Variants in AGGF1 observed in about 807,000 individuals in gnomAD.
AGGF1 encodes the protein angiogenic factor with G-patch and FHA domains 1.
A neutral mutation model predicts 86.5 loss-of-function variants in AGGF1; 56 were observed. The ratio of observed to expected loss-of-function variants is 0.65; its 90% CI spans 0.52 to 0.81. The LOEUF is 0.81. AGGF1 is among the 30% of genes least tolerant of loss of function. AGGF1 has a pLI of 0.00. For synonymous variants in AGGF1, 313 were observed against 297.1 expected, an observed-to-expected ratio of 1.05 and a Z score of -0.55; for missense variants, 816 against 850.9, an observed-to-expected ratio of 0.96 and a Z score of 0.51.
At chr5:77,054,642 G>C (rs543807445) in intron 10 of AGGF1, among the ~76,000 whole-genome samples, 1 of 152,250 alleles carries the variant, frequency 6.6e-6, no homozygotes, top group East Asian at 1.9e-4. Context: ...TAATGAGGTT[G>C]ATTTAGCCAG....
intron 12 of AGGF1, among the ~76,000 whole-genome samples, chr5:77,060,578 CAG>C (rs1304318108): frequency 1.3e-5 from 2 of 151,994 alleles, no homozygotes; most frequent in African/African-American, 4.8e-5. Flanking sequence ...TTTTTTTCCT[CAG>C]AATATAAATT....
chr5:77,057,522 A>G (rs760534606), intron 11 of AGGF1, among the ~76,000 whole-genome samples: 14 of 152,234 alleles, frequency 9.2e-5, no homozygotes, highest in African/African-American at 2.4e-4. Flanking sequence ...TTGTGGAACA[A>G]TTTCACTATT....
At chr5:77,060,122 G>A (rs927544720) in intron 12 of AGGF1, among the ~76,000 whole-genome samples, 8 of 152,174 alleles carry the variant, frequency 5.3e-5, no homozygotes, top group African/African-American at 1.9e-4. Context: ...GATTACCGGC[G>A]TGAGCTACCA....
chr5:77,056,386 G>C lies in AGGF1; in HGVS notation c.1716+790G>C, dbSNP rs537627634. Among the ~76,000 whole-genome samples the C allele has an allele frequency of 1.6e-3, 243 of 151,794 alleles. 1 individual carries two copies. The highest frequency in any genetic ancestry group is 5.1e-3 in the African/African-American group (212 of 41,416). ...TGTGATTGCAGGGGCCCGCCACCAC[G>C]CCCCGCTAATTTTTGTATTTTTAGT... is the stretch of plus-strand genomic sequence containing the variant. On this transcript the variant is annotated intron_variant, in intron 11 of 13. Transcript: ENST00000312916.
intron 11 of AGGF1, among the ~76,000 whole-genome samples, chr5:77,056,661 T>C (rs1396394969): frequency 1.3e-5 from 2 of 151,856 alleles, no homozygotes; most frequent in African/African-American, 2.4e-5. Context: ...ATCATAGATA[T>C]AAAAGTAAAA....
At chr5:77,031,354 A>AT (rs1746849082) in intron 1 of AGGF1, among the ~76,000 whole-genome samples, 1 of 152,156 alleles carries the variant, frequency 6.6e-6, no homozygotes, top group Non-Finnish European at 1.5e-5. Context: ...GTGAACTTAT[A>AT]TACCGAGTCT....
At chr5:77,047,457 C>T (rs1214882948) in intron 6 of AGGF1, among the ~76,000 whole-genome samples, 6 of 152,180 alleles carry the variant, frequency 3.9e-5, no homozygotes, top group Admixed American at 6.6e-5. Flanking sequence ...CCCACAGATA[C>T]CGAGGGCCAA....
chr5:77,053,379 C>T (rs746924730), intron 9 of AGGF1, among the ~76,000 whole-genome samples: 18 of 152,116 alleles, frequency 1.2e-4, no homozygotes, highest in Non-Finnish European at 1.9e-4. Context: ...ATTAGCTGGG[C>T]GTGGTGGTGT....
chr5:77,032,980 G>A (rs990247747), intron 1 of AGGF1, among the ~76,000 whole-genome samples: 1 of 152,114 alleles, frequency 6.6e-6, no homozygotes, highest in African/African-American at 2.4e-5. Context: ...TAAAAAAATA[G>A]TAGTTCTGTG....
intron 10 of AGGF1, among the ~76,000 whole-genome samples, chr5:77,054,589 A>G (rs563079175): frequency 6.6e-6 from 1 of 152,308 alleles, no homozygotes; most frequent in Admixed American, 6.5e-5. Flanking sequence ...TGTTTTTACC[A>G]TACACAAAAA....
chr5:77,036,767 T>G lies in AGGF1; in HGVS notation c.681+47T>G, dbSNP rs766936418. 8.1e-6 allele frequency: 13 copies of G among 1,598,844 alleles called. No homozygotes were observed. The Admixed American group carries it at 2.2e-4, about 27-fold the overall frequency. The stretch of plus-strand genomic sequence containing the variant: ...GTTTTGTTTTGTTTTTGAGACAGTC[T>G]CCCTCTGTCACCCCGGCTGGAGTGC... On this transcript the variant is annotated intron_variant, in intron 4 of 13. Transcript: ENST00000312916.
rs534751196 is a variant in AGGF1 at position 77,044,184 on chromosome 5, C to T, written c.871-2163C>T. ...CTCACTTCCCAGACAGGGTGGCGGCCGGGCAGAGGCTGCAATCTCGGCACT... is the reference window on the plus strand; with the variant it reads ...CTCACTTCCCAGACAGGGTGGCGGCTGGGCAGAGGCTGCAATCTCGGCACT... On this transcript the variant is annotated intron_variant, in intron 5 of 13. Transcript: ENST00000312916. Among the ~76,000 whole-genome samples, 15 of 149,422 alleles carry T rather than the reference C, an allele frequency of 1.0e-4. No individual in the cohort carries two copies. The Middle Eastern group carries it at 0.017, about 169-fold the overall frequency.
chr5:77,056,959 A>G (rs1336612142), intron 11 of AGGF1, among the ~76,000 whole-genome samples: 4 of 152,192 alleles, frequency 2.6e-5, no homozygotes, highest in African/African-American at 4.8e-5. Flanking sequence ...ATTTGAATAG[A>G]TGCTTCACCA....
chr5:77,040,989 A>G (rs1412484818), intron 5 of AGGF1, among the ~76,000 whole-genome samples: 1 of 152,150 alleles, frequency 6.6e-6, no homozygotes, highest in Non-Finnish European at 1.5e-5. Context: ...CAGCCTCCCA[A>G]AGTGCTGGGA....
At chr5:77,031,054 T>A in intron 1 of AGGF1, 78 bp downstream of exon 1, 1 of 1,494,414 alleles carries the variant, frequency 6.7e-7, no homozygotes, top group Non-Finnish European at 9.3e-7. Context: ...TCGGAAGGGG[T>A]CCCTGGCAGG....
At chr5:77,048,871 C>A in intron 7 of AGGF1, 65 bp from the exon 8 acceptor site, 2 of 1,467,156 alleles carry the variant, frequency 1.4e-6, no homozygotes, top group South Asian at 1.1e-5. Context: ...TTTTAAAATT[C>A]TTTCCATGTC....
At position 77,054,088 on chromosome 5, in the gene AGGF1, G is replaced by A; in HGVS notation, c.1591G>A (p.Val531Ile). Residue 531 changes from valine to isoleucine, a missense_variant, in exon 10 of 14, where the codon GTT becomes ATT. Around this residue, in one of 3 missense-constraint regions of AGGF1, gnomAD observed 565 missense variants for 585.8 expected, o/e 0.96. Transcript: ENST00000312916. ...CTGTGATGGCTGTGAACCAGGGCAG[G>A]TTAGAGCCCACCTTCGCCTTGATAA... ...DTCDGCEPGQ[V>I]RAHLRLDKKD... 2 of 1,614,110 alleles carry A rather than the reference G, an allele frequency of 1.2e-6. No homozygotes were observed. Among genetic ancestry groups the A allele is most frequent in the Non-Finnish European group, 1.7e-6 (2 of 1,179,998 alleles).
At chr5:77,052,300 C>T (rs1028927863) in intron 8 of AGGF1, among the ~76,000 whole-genome samples, 29 of 151,630 alleles carry the variant, frequency 1.9e-4, no homozygotes, top group African/African-American at 5.8e-4. Context: ...CTGCAGGAAG[C>T]GGTGATCACA....
intron 5 of AGGF1, among the ~76,000 whole-genome samples, chr5:77,041,024 G>A (rs1747067756): frequency 6.6e-6 from 1 of 152,198 alleles, no homozygotes; most frequent in Admixed American, 6.5e-5. Context: ...CACTGTGCCA[G>A]CCAGTTTTTC....
Sources: gnomAD v4.1 joint callset for allele counts (sites outside exome capture counted in the v4.1 genomes callset) on GRCh38, gnomAD v4.1.1 for gene constraint, gnomAD v4.1.1 regional missense constraint, MANE v1.5 for transcripts, NCBI Gene and HGNC (gene_info 2026-07-23, HGNC 2026-07-21) for gene names.